PRKCE: variants seen among roughly 807,000 people sequenced by gnomAD.
PRKCE encodes the protein protein kinase C epsilon type.
In PRKCE, 16 loss-of-function variants were observed where a neutral mutation model predicts 85.4. The ratio of observed to expected loss-of-function variants is 0.19; its 90% CI spans 0.13 to 0.28. The LOEUF is 0.28. PRKCE is among the 10% of genes least tolerant of loss of function. The pLI, the probability that PRKCE is intolerant of heterozygous loss-of-function variation, is 1.00. For missense variants in PRKCE, 573 were observed against 975.2 expected (o/e 0.59, Z 5.49); for synonymous variants, 388 against 371.5 (o/e 1.04, Z -0.51).
At position 45,744,573 on chromosome 2, in the gene PRKCE, C is replaced by CTTTTT. The variant is rs1682979591; in HGVS notation, c.348+92125_348+92126insTTTTT. ...TTCTTCCTTCCTTCCTTCCTTCCTT[C>CTTTTT]CTTTCTTTTTCTTTCTTTCTTTCCT... is the stretch of plus-strand genomic sequence containing the variant. On this transcript the variant is annotated intron_variant, in intron 1 of 14. Transcript: ENST00000306156. 1.9e-5 allele frequency among the ~76,000 whole-genome samples: 2 copies of CTTTTT among 107,330 alleles called. 1 individual carries two copies. The highest frequency in any genetic ancestry group is 4.2e-5 in the Non-Finnish European group (2 of 47,212). The allele number at this position is 107,330 out of a possible 152,430, so 70.4% of individuals were successfully genotyped here.
At chr2:46,006,519 T>C (rs1307702308) in intron 8 of PRKCE, among the ~76,000 whole-genome samples, 1 of 152,226 alleles carries the variant, frequency 6.6e-6, no homozygotes, top group Non-Finnish European at 1.5e-5. Context: ...TGAAGATCTC[T>C]TTCTGTCACT....
rs147850552 is a variant in PRKCE at position 46,143,116 on chromosome 2, C to T, written c.1593-1977C>T. Among the ~76,000 whole-genome samples the T allele has an allele frequency of 1.3e-4, 20 of 152,234 alleles. No homozygotes were observed. The East Asian group carries it at 1.9e-3, about 15-fold the overall frequency. ...CCTACCTTCTTCCAGCTTCCTTTGA[C>T]GTATTTCTGTAAGGGTAGTTGCCAC... On this transcript the variant is annotated intron_variant, in intron 11 of 14. Transcript: ENST00000306156.
At chr2:45,890,168 T>A (rs1488438416) in intron 2 of PRKCE, among the ~76,000 whole-genome samples, 1 of 152,218 alleles carries the variant, frequency 6.6e-6, no homozygotes, top group Non-Finnish European at 1.5e-5. Context: ...TTTAATCTTT[T>A]CAAGCTTTTA....
At chr2:45,765,789 C>T (rs1684865329) in intron 1 of PRKCE, among the ~76,000 whole-genome samples, 2 of 152,342 alleles carry the variant, frequency 1.3e-5, no homozygotes, top group South Asian at 2.1e-4. Context: ...CAGAACTGGG[C>T]TCTTGGCAGA....
chr2:45,880,072 T>C (rs1033974667), intron 2 of PRKCE, among the ~76,000 whole-genome samples: 1 of 152,196 alleles, frequency 6.6e-6, no homozygotes, highest in African/African-American at 2.4e-5. Flanking sequence ...TTTTTACCTC[T>C]AGGAGATCAG....
intron 2 of PRKCE, among the ~76,000 whole-genome samples, chr2:45,848,469 C>G (rs1456212903): frequency 6.6e-6 from 1 of 152,142 alleles, no homozygotes; most frequent in South Asian, 2.1e-4. Context: ...CACCACCATG[C>G]CTGGTTAATT....
chr2:45,701,755 A>C (rs1037104847), intron 1 of PRKCE, among the ~76,000 whole-genome samples: 4 of 152,200 alleles, frequency 2.6e-5, no homozygotes, highest in Non-Finnish European at 5.9e-5. Flanking sequence ...TCCCATTCCC[A>C]TGTAAATTCT....
chr2:46,090,810 C>T (rs1025639825), intron 11 of PRKCE, among the ~76,000 whole-genome samples: 13 of 152,194 alleles, frequency 8.5e-5, no homozygotes, highest in African/African-American at 3.1e-4. Flanking sequence ...GTGTTTCTGC[C>T]TGTTTGCTTC....
At chr2:45,759,114 G>T (rs1475579678) in intron 1 of PRKCE, among the ~76,000 whole-genome samples, 1 of 152,122 alleles carries the variant, frequency 6.6e-6, no homozygotes, top group African/African-American at 2.4e-5. Context: ...TCTCCCCAAT[G>T]GGGCACTGTG....
intron 11 of PRKCE, among the ~76,000 whole-genome samples, chr2:46,109,762 C>T (rs538358146): frequency 4.9e-4 from 75 of 152,094 alleles, no homozygotes; most frequent in African/African-American, 1.7e-3. Flanking sequence ...GGGGAGAGGA[C>T]CTTCTTGTCT....
At chr2:46,055,372 G>A (rs546169685) in intron 10 of PRKCE, among the ~76,000 whole-genome samples, 3 of 152,346 alleles carry the variant, frequency 2.0e-5, no homozygotes, top group Non-Finnish European at 4.4e-5. Flanking sequence ...GTCTGCCCCT[G>A]CCAGCACCGA....
chr2:45,723,246 T>C (rs1432357394), intron 1 of PRKCE, among the ~76,000 whole-genome samples: 1 of 152,232 alleles, frequency 6.6e-6, no homozygotes, highest in Admixed American at 6.5e-5. Context: ...CTAGAGATTC[T>C]TGTAGAAAAT....
intron 6 of PRKCE, among the ~76,000 whole-genome samples, chr2:45,994,626 T>C (rs1189144485): frequency 1.3e-5 from 2 of 152,248 alleles, no homozygotes; most frequent in African/African-American, 4.8e-5. Flanking sequence ...CTAACTCACT[T>C]CTTTTTAAGG....
intron 1 of PRKCE, among the ~76,000 whole-genome samples, chr2:45,657,960 T>A (rs1675455575): frequency 6.6e-6 from 1 of 152,254 alleles, no homozygotes; most frequent in Admixed American, 6.5e-5. Context: ...CTGCTGCATC[T>A]CCTACAATGG....
chr2:46,185,977 T>C lies in PRKCE; in HGVS notation c.*1096T>C, dbSNP rs888813409. 1.3e-5 allele frequency: 2 copies of C among 152,510 alleles called. No homozygotes were observed. 9.4% of individuals were successfully genotyped at this position (152,510 alleles called of 1,614,324 possible). On this transcript the variant is annotated 3_prime_UTR_variant, in exon 15 of 15. Coordinates refer to ENST00000306156, the MANE Select transcript of PRKCE (RefSeq NM_005400.3). The surrounding 1 kb of genome is among the most constrained non-coding windows in gnomAD (Gnocchi z 4.7). ...TAAACATGTAAAGTTATATACGAAA[T>C]ATCTGCTTTTGGAATAAGCAGAATG... is the stretch of plus-strand genomic sequence containing the variant.
chr2:45,884,498 C>T (rs753366), intron 2 of PRKCE, among the ~76,000 whole-genome samples: 56,774 of 151,922 alleles, frequency 0.37, 10,906 homozygotes, highest in East Asian at 0.55. Context: ...TCCATTTCTA[C>T]GGAGGTAAAA....
chr2:45,828,037 T>C (rs1421734890), intron 1 of PRKCE, among the ~76,000 whole-genome samples: 1 of 152,232 alleles, frequency 6.6e-6, no homozygotes, highest in Admixed American at 6.5e-5. Flanking sequence ...TCTGAATAGC[T>C]GGATGATAGG....
At chr2:46,016,257 T>A (rs1706133952) in intron 10 of PRKCE, among the ~76,000 whole-genome samples, 1 of 152,112 alleles carries the variant, frequency 6.6e-6, no homozygotes, top group Admixed American at 6.5e-5. Flanking sequence ...TGGCAGGACC[T>A]TTGGTCAAAC....
chr2:46,117,869 A>G (rs572365080), intron 11 of PRKCE, among the ~76,000 whole-genome samples: 1 of 152,146 alleles, frequency 6.6e-6, no homozygotes, highest in East Asian at 1.9e-4. Context: ...GTTGCTAAGG[A>G]TGTCAGGTTT....
Sources: allele counts gnomAD v4.1 joint callset (sites outside exome capture counted in the v4.1 genomes callset), GRCh38; gene constraint gnomAD v4.1.1; non-coding constraint Gnocchi (gnomAD v3.1); transcripts MANE v1.5; gene names NCBI Gene and HGNC (gene_info 2026-07-23, HGNC 2026-07-21).